The following RSU1 variants were observed in gnomAD, a reference collection of about 807,000 sequenced individuals.
The protein encoded by RSU1 is rsu-1.
Under a neutral mutation model 31.1 loss-of-function variants are expected in RSU1, and 26 were observed. The observed-to-expected ratio is 0.84, with a 90% CI of 0.61 to 1.16. RSU1 has a LOEUF of 1.16. RSU1 is among the 50% of genes most tolerant of loss of function. RSU1 has a pLI of 0.00. For synonymous variants in RSU1, 164 were observed against 136.3 expected (o/e 1.20, Z -1.41); for missense variants, 320 against 339.1 (o/e 0.94, Z 0.44).
chr10:16,638,035 T>C lies in RSU1; in HGVS notation c.732-44539A>G, dbSNP rs907791260. On this transcript the variant is annotated intron_variant, in intron 8 of 8. Transcript: ENST00000345264. ...TTCCAGCTTGTAAATCACCTGAACA[T>C]ACCTTGTCTTTTCTGCCCTGATAAA... is the stretch of plus-strand genomic sequence containing the variant. Among the ~76,000 whole-genome samples the C allele has an allele frequency of 2.6e-5, 4 of 152,158 alleles. No homozygotes were observed. The East Asian group carries it at 7.7e-4, about 29-fold the overall frequency.
chr10:16,694,925 G>A lies in RSU1; in HGVS notation c.731+98C>T, dbSNP rs973409901. 2.9e-5 allele frequency: 33 copies of A among 1,130,864 alleles called. No individual in the cohort carries two copies. In the African/African-American group the frequency reaches 5.2e-4, roughly 18 times the overall value. 70.1% of individuals were successfully genotyped at this position (1,130,864 alleles called of 1,614,324 possible). ...CATCTTAAAATGCTAAGTGCTAACTGCCATCAATAGGATACTGTCACATAA... is the reference window on the plus strand; with the variant it reads ...CATCTTAAAATGCTAAGTGCTAACTACCATCAATAGGATACTGTCACATAA... On this transcript the variant is annotated intron_variant, in intron 8 of 8. Transcript: ENST00000345264.
chr10:16,673,243 T>C (rs1330142424), intron 8 of RSU1, among the ~76,000 whole-genome samples: 1 of 152,098 alleles, frequency 6.6e-6, no homozygotes, highest in Non-Finnish European at 1.5e-5. Context: ...GCTGTGATAC[T>C]GTGGTTCTGA....
At chr10:16,752,370 C>T in intron 7 of RSU1, 169 bp downstream of exon 7, 2 of 561,990 alleles carry the variant, frequency 3.6e-6, no homozygotes, top group Non-Finnish European at 6.4e-6. Context: ...AAGGTCAAAC[C>T]TGTAACAGCT....
At position 16,622,339 on chromosome 10, in the gene RSU1, T is replaced by C. The variant is rs193142050; in HGVS notation, c.732-28843A>G. ...CCACCATTTCCAAGGTTTCTTTTTC[T>C]GAAGAGAACTGTGCTTGTAACAATA... is the stretch of plus-strand genomic sequence containing the variant. On this transcript the variant is annotated intron_variant, in intron 8 of 8. Transcript: ENST00000345264. Among the ~76,000 whole-genome samples the C allele has an allele frequency of 4.9e-4, 75 of 152,316 alleles. 1 individual carries two copies. Among genetic ancestry groups the C allele is most frequent in the Non-Finnish European group, 6.9e-4 (47 of 68,028 alleles).
intron 2 of RSU1, among the ~76,000 whole-genome samples, chr10:16,795,371 A>T (rs927942753): frequency 6.6e-6 from 1 of 151,678 alleles, no homozygotes; most frequent in African/African-American, 2.4e-5. Context: ...AAAAAAAAAA[A>T]AAATTAAAAA....
intron 8 of RSU1, among the ~76,000 whole-genome samples, chr10:16,595,231 T>C (rs1833591858): frequency 1.3e-5 from 2 of 152,216 alleles, no homozygotes; most frequent in South Asian, 4.1e-4. Context: ...CTAGTGTTCT[T>C]GATGACATCT....
At chr10:16,709,899 G>C (rs1835983053) in intron 7 of RSU1, among the ~76,000 whole-genome samples, 1 of 152,050 alleles carries the variant, frequency 6.6e-6, no homozygotes, top group Non-Finnish European at 1.5e-5. Flanking sequence ...TTAGCCCTTT[G>C]TCAGATGAGA....
intron 8 of RSU1, among the ~76,000 whole-genome samples, chr10:16,665,202 C>T (rs904619086): frequency 3.3e-5 from 5 of 152,206 alleles, no homozygotes; most frequent in Non-Finnish European, 7.3e-5. Context: ...GCCTCAGCCT[C>T]CCAAAGTGCT....
chr10:16,603,678 C>T lies in RSU1; in HGVS notation c.732-10182G>A, dbSNP rs1833749827. Among the ~76,000 whole-genome samples the T allele has an allele frequency of 2.0e-5, 3 of 152,280 alleles. No individual in the cohort carries two copies. The South Asian group carries it at 6.2e-4, about 32-fold the overall frequency. On this transcript the variant is annotated intron_variant, in intron 8 of 8. Transcript: ENST00000345264. ...AATGTTGCAATTTCCAGAATAAACT[C>T]AAAGGCAAAAGGAAATCAGTCCAAG...
intron 7 of RSU1, among the ~76,000 whole-genome samples, chr10:16,752,092 A>G (rs6602152): frequency 0.23 from 34,694 of 152,152 alleles, 6,551 homozygotes; most frequent in African/African-American, 0.52. Flanking sequence ...TCAAGTAGCC[A>G]TAACAACTAC....
chr10:16,693,478 A>C (rs1835606195), intron 8 of RSU1, among the ~76,000 whole-genome samples: 1 of 140,852 alleles, frequency 7.1e-6, no homozygotes, highest in African/African-American at 2.6e-5. Context: ...TTCTGATACC[A>C]AAAAAAAAAA....
At chr10:16,781,109 G>A (rs896406991) in intron 3 of RSU1, among the ~76,000 whole-genome samples, 5 of 151,928 alleles carry the variant, frequency 3.3e-5, no homozygotes, top group African/African-American at 1.2e-4. Context: ...CACTGGACTC[G>A]GAAAGCTCCT....
At chr10:16,616,969 T>A (rs535701736) in intron 8 of RSU1, among the ~76,000 whole-genome samples, 1 of 152,288 alleles carries the variant, frequency 6.6e-6, no homozygotes, top group South Asian at 2.1e-4. Flanking sequence ...ACCACTCCTA[T>A]AGTATTGGAA....
intron 4 of RSU1, among the ~76,000 whole-genome samples, chr10:16,759,113 G>C (rs1837155327): frequency 6.6e-6 from 1 of 152,102 alleles, no homozygotes; most frequent in South Asian, 2.1e-4. Context: ...GTTGTCCTGA[G>C]CACCTCCAGC....
intron 8 of RSU1, among the ~76,000 whole-genome samples, chr10:16,674,172 C>G (rs913507776): frequency 6.6e-6 from 1 of 152,086 alleles, no homozygotes; most frequent in Non-Finnish European, 1.5e-5. Flanking sequence ...CCCCCTGGCC[C>G]CCGATATTGC....
At chr10:16,676,840 G>A (rs1835242447) in intron 8 of RSU1, among the ~76,000 whole-genome samples, 1 of 152,100 alleles carries the variant, frequency 6.6e-6, no homozygotes, top group Non-Finnish European at 1.5e-5. Flanking sequence ...AAAATCAGAG[G>A]GTGTATCTAG....
chr10:16,682,293 G>A (rs1226601605), intron 8 of RSU1, among the ~76,000 whole-genome samples: 2 of 152,226 alleles, frequency 1.3e-5, no homozygotes, highest in East Asian at 1.9e-4. Flanking sequence ...TGCACTCCCA[G>A]GCAGCTAGGC....
intron 8 of RSU1, among the ~76,000 whole-genome samples, chr10:16,660,736 T>C (rs1834873813): frequency 6.7e-6 from 1 of 149,826 alleles, no homozygotes; most frequent in Non-Finnish European, 1.5e-5. Context: ...AACTTCCACT[T>C]CCTGGGCTCA....
chr10:16,640,255 G>A (rs1403436385), intron 8 of RSU1, among the ~76,000 whole-genome samples: 5 of 151,894 alleles, frequency 3.3e-5, no homozygotes, highest in Non-Finnish European at 7.4e-5. Flanking sequence ...GCATAACCCC[G>A]AGAAACAACC....
Sources: gnomAD v4.1 joint callset for allele counts (sites outside exome capture counted in the v4.1 genomes callset) on GRCh38, gnomAD v4.1.1 for gene constraint, MANE v1.5 for transcripts, NCBI Gene and HGNC (gene_info 2026-07-23, HGNC 2026-07-21) for gene names.